Variants in ANKRD6 observed in about 807,000 individuals in gnomAD.
ANKRD6 encodes ankyrin repeat domain 6.
In ANKRD6, 56 loss-of-function variants were observed where a neutral mutation model predicts 82.3. The observed-to-expected ratio is 0.68, with a 90% CI of 0.55 to 0.85. The LOEUF (loss-of-function observed/expected upper bound fraction) is 0.85. ANKRD6 is among the 40% of genes least tolerant of loss of function. The probability of loss-of-function intolerance (pLI) is 0.00; values close to 1 mark genes in which losing one functional copy is unlikely to be tolerated. For synonymous variants in ANKRD6, 347 were observed against 352.1 expected, an observed-to-expected ratio of 0.99 and a Z score of 0.16; for missense variants, 852 against 907.6, an observed-to-expected ratio of 0.94 and a Z score of 0.79.
chr6:89,532,794 C>T (rs141861178), intron 1 of ANKRD6, among the ~76,000 whole-genome samples: 22 of 152,172 alleles, frequency 1.4e-4, no homozygotes, highest in African/African-American at 3.9e-4. Flanking sequence ...CTTTGCCTCC[C>T]GGGCTCAAGC....
At chr6:89,469,636 G>A (rs888243605) in intron 1 of ANKRD6, among the ~76,000 whole-genome samples, 1 of 152,152 alleles carries the variant, frequency 6.6e-6, no homozygotes, top group Non-Finnish European at 1.5e-5. Context: ...AAGCTGAGAC[G>A]ACACCTGTCC....
chr6:89,616,111 C>T (rs1023413644), intron 7 of ANKRD6, among the ~76,000 whole-genome samples: 3 of 152,194 alleles, frequency 2.0e-5, no homozygotes, highest in Non-Finnish European at 4.4e-5. Flanking sequence ...GCAGAAGTAG[C>T]CATCTTCACG....
At chr6:89,611,234 C>T (rs752893555) in intron 5 of ANKRD6, among the ~76,000 whole-genome samples, 1 of 151,136 alleles carries the variant, frequency 6.6e-6, no homozygotes, top group Non-Finnish European at 1.5e-5. Context: ...ACTGGAGTAT[C>T]GGCAGCCAGG....
At chr6:89,578,042 A>C (rs1331212259) in intron 2 of ANKRD6, among the ~76,000 whole-genome samples, 2 of 152,232 alleles carry the variant, frequency 1.3e-5, no homozygotes, top group Non-Finnish European at 2.9e-5. Context: ...GAGCTTGTTC[A>C]TAGAGGGTGA....
chr6:89,523,774 T>C (rs1239805306), intron 1 of ANKRD6, among the ~76,000 whole-genome samples: 2 of 152,184 alleles, frequency 1.3e-5, no homozygotes, highest in Non-Finnish European at 2.9e-5. Context: ...GACACTACTG[T>C]GTTAGGTGCT....
chr6:89,438,832 A>C (rs540528995), intron 1 of ANKRD6, among the ~76,000 whole-genome samples: 1 of 152,050 alleles, frequency 6.6e-6, no homozygotes, highest in Non-Finnish European at 1.5e-5. Flanking sequence ...TAGTAGAGTC[A>C]GTGTTTTGCC....
chr6:89,483,218 T>G (rs1352355699), intron 1 of ANKRD6, among the ~76,000 whole-genome samples: 1 of 152,204 alleles, frequency 6.6e-6, no homozygotes, highest in African/African-American at 2.4e-5. Context: ...TGCTGATGTA[T>G]TTACTTAGGC....
intron 1 of ANKRD6, among the ~76,000 whole-genome samples, chr6:89,473,830 A>G (rs983402508): frequency 2.0e-5 from 3 of 151,906 alleles, no homozygotes; most frequent in Admixed American, 1.3e-4. Context: ...AAAAAAAAAA[A>G]TTAGCAGGAT....
At chr6:89,588,321 A>G (rs753538226) in intron 2 of ANKRD6, among the ~76,000 whole-genome samples, 3 of 152,216 alleles carry the variant, frequency 2.0e-5, no homozygotes, top group Non-Finnish European at 4.4e-5. Flanking sequence ...TTATTTTAGT[A>G]ATGTTACAAC....
chr6:89,571,038 C>T (rs1789755305), intron 2 of ANKRD6, among the ~76,000 whole-genome samples: 1 of 146,270 alleles, frequency 6.8e-6, no homozygotes, highest in Non-Finnish European at 1.5e-5. Flanking sequence ...CTTGACAATA[C>T]TTGCCTTCTG....
intron 1 of ANKRD6, among the ~76,000 whole-genome samples, chr6:89,518,358 C>T (rs981560350): frequency 9.3e-5 from 14 of 150,990 alleles, no homozygotes; most frequent in African/African-American, 1.7e-4. Context: ...GCCGAGATCG[C>T]GCCATTGCAC....
intron 2 of ANKRD6, among the ~76,000 whole-genome samples, chr6:89,593,716 G>T (rs1008148953): frequency 2.0e-4 from 31 of 152,172 alleles, no homozygotes; most frequent in African/African-American, 7.5e-4. Flanking sequence ...AGACCTTAGG[G>T]GTATGCTTCA....
intron 2 of ANKRD6, among the ~76,000 whole-genome samples, chr6:89,582,132 CT>C (rs556612758): frequency 2.4e-4 from 36 of 152,012 alleles, no homozygotes; most frequent in Non-Finnish European, 4.4e-4. Flanking sequence ...TTTTATTTAA[CT>C]CATTAATTAA....
intron 3 of ANKRD6, 149 bp downstream of exon 3, chr6:89,596,163 C>A: frequency 1.4e-6 from 1 of 707,206 alleles, no homozygotes; most frequent in Non-Finnish European, 2.4e-6. Context: ...GCAGCAAGAA[C>A]TTCCTCTGGA....
intron 1 of ANKRD6, among the ~76,000 whole-genome samples, chr6:89,444,956 G>A (rs62415414): frequency 0.053 from 8,056 of 151,680 alleles, 302 homozygotes; most frequent in Non-Finnish European, 0.079. Context: ...TGACAAGAGC[G>A]AAACTCCATG....
intron 1 of ANKRD6, among the ~76,000 whole-genome samples, chr6:89,475,103 T>C (rs1288298163): frequency 2.0e-5 from 3 of 152,154 alleles, no homozygotes; most frequent in African/African-American, 7.2e-5. Context: ...GGACTTTGGG[T>C]CAACCATAAA....
At chr6:89,541,038 A>G (rs1301233285) in intron 1 of ANKRD6, among the ~76,000 whole-genome samples, 1 of 152,172 alleles carries the variant, frequency 6.6e-6, no homozygotes, top group Admixed American at 6.5e-5. Context: ...GCTGTGTAGT[A>G]TAATTTGAAG....
chr6:89,554,940 A>G (rs1292858352), intron 1 of ANKRD6, among the ~76,000 whole-genome samples: 1 of 152,080 alleles, frequency 6.6e-6, no homozygotes, highest in African/African-American at 2.4e-5. Context: ...CAATGTTCAT[A>G]TCCTGGTTTT....
At chr6:89,593,230 G>C in intron 2 of ANKRD6, among the ~76,000 whole-genome samples, 1 of 152,178 alleles carries the variant, frequency 6.6e-6, no homozygotes, top group Admixed American at 6.5e-5. Context: ...GTCCTCATGT[G>C]ATGAACTCCC....
Sources: gnomAD v4.1 joint callset for allele counts (sites outside exome capture counted in the v4.1 genomes callset) on GRCh38, gnomAD v4.1.1 for gene constraint, MANE v1.5 for transcripts, NCBI Gene and HGNC (gene_info 2026-07-23, HGNC 2026-07-21) for gene names.